Variants in FAM9A observed in about 807,000 individuals in gnomAD.
FAM9A encodes the protein protein FAM9A.
FAM9A carries 49 observed loss-of-function variants against 25.0 expected under a neutral mutation model. The ratio of observed to expected loss-of-function variants is 1.96; its 90% CI spans 1.56 to 2.48. The LOEUF is 2.48. Among genes scored for constraint, FAM9A ranks in the 30% most tolerant of loss-of-function variants. FAM9A has a pLI of 0.00. For missense variants in FAM9A, 266 were observed against 249.3 expected (o/e 1.07, Z -0.45); for synonymous variants, 80 against 85.1 (o/e 0.94, Z 0.33).
At chrX:8,796,479 C>T (rs1389603690) in intron 5 of FAM9A, 97 bp from the exon 6 acceptor site, 4 of 518,007 alleles carry the variant, frequency 7.7e-6, no homozygotes, top group Non-Finnish European at 1.3e-5. Context: ...TCAGCAATAT[C>T]GGAAGGACAT....
At chrX:8,795,512 C>A in intron 6 of FAM9A, 92 bp from the exon 7 acceptor site, 1 of 788,773 alleles carries the variant, frequency 1.3e-6, no homozygotes, top group Non-Finnish European at 1.8e-6. Flanking sequence ...ATAATTTATA[C>A]TATAAAGTAG....
intron 8 of FAM9A, among the ~76,000 whole-genome samples, chrX:8,793,019 AT>A (rs1221765997): frequency 2.0e-4 from 23 of 112,381 alleles, no homozygotes; most frequent in African/African-American, 7.4e-4. Flanking sequence ...ATGTAAAACC[AT>A]TACTAGTCGC....
chrX:8,798,163 T>C lies in FAM9A; in HGVS notation c.360A>G (p.Leu120=), dbSNP rs1389165666. 23 of 1,203,800 alleles carry C rather than the reference T, an allele frequency of 1.9e-5. No individual in the cohort carries two copies. The highest frequency in any genetic ancestry group is 2.5e-5 in the Non-Finnish European group (22 of 892,019). The part of the protein sequence containing the change: ...DEHTGIHTMK[L]EHIAADIKKG... Reference sequence around the variant, plus strand: ...CCTAAAACATACCTGCAATATGTTCTAGCTTCATGGTATGAATCCTGTAAA... The same window carrying C: ...CCTAAAACATACCTGCAATATGTTCCAGCTTCATGGTATGAATCCTGTAAA... Residue 120 remains leucine (L), a synonymous_variant, in exon 5 of 10, where the codon CTA becomes CTG. Coordinates refer to ENST00000381003, the MANE Select transcript of FAM9A (RefSeq NM_174951.3).
chrX:8,798,644 G>C (rs1252798811), intron 3 of FAM9A, among the ~76,000 whole-genome samples, 165 bp from the exon 4 acceptor site: 1 of 112,514 alleles, frequency 8.9e-6, no homozygotes, highest in Non-Finnish European at 1.9e-5. Context: ...TTTTACCGAG[G>C]CATTTTTGGA....
intron 3 of FAM9A, 137 bp downstream of exon 3, chrX:8,798,829 T>A: frequency 9.5e-7 from 1 of 1,047,572 alleles, no homozygotes; most frequent in East Asian, 3.2e-5. Context: ...TGGGGCCTCT[T>A]GGCACATGCA....
intron 3 of FAM9A, 86 bp from the exon 4 acceptor site, chrX:8,798,565 C>CT (rs1237678059): frequency 1.7e-6 from 2 of 1,155,114 alleles, no homozygotes; most frequent in South Asian, 2.1e-5. Context: ...TATTTGTGGA[C>CT]TTTTTTGGCT....
chrX:8,792,277 A>T (rs767049708), intron 8 of FAM9A, among the ~76,000 whole-genome samples: 1 of 110,868 alleles, frequency 9.0e-6, no homozygotes, highest in South Asian at 3.9e-4. Flanking sequence ...CAGGCTGGGA[A>T]GAGGGAAGGG....
intron 3 of FAM9A, 52 bp downstream of exon 3, chrX:8,798,914 A>T (rs1232887189): frequency 1.4e-5 from 17 of 1,207,762 alleles, no homozygotes; most frequent in Non-Finnish European, 1.9e-5. Context: ...GAGCAGACAG[A>T]CCGTCCTCTT....
At chrX:8,798,837 G>A in intron 3 of FAM9A, 129 bp downstream of exon 3, 1 of 1,079,892 alleles carries the variant, frequency 9.3e-7, no homozygotes. Context: ...CTTGGCACAT[G>A]CACAATGGAC....
chrX:8,795,980 C>T (rs1453192777), intron 6 of FAM9A, among the ~76,000 whole-genome samples: 4 of 111,617 alleles, frequency 3.6e-5, no homozygotes, highest in Non-Finnish European at 7.5e-5. Context: ...ATCTTATATG[C>T]AGCTGCCATA....
chrX:8,799,105 GCAAAGTCAAA>G lies in FAM9A; in HGVS notation c.92-21_92-12del, dbSNP rs777089543. ...AGGCGATCCCTGAACCTGGTTGAGT[GCAAAGTCAAA>G]CTAAGTAAGCTAAGGAAACAGGATA... On this transcript the variant is annotated splice_polypyrimidine_tract_variant and intron_variant, in intron 2 of 9. Transcript: ENST00000381003. 2.1e-5 allele frequency: 25 copies of G among 1,198,239 alleles called. No homozygotes were observed. The highest frequency in any genetic ancestry group is 2.8e-5 in the Non-Finnish European group (25 of 886,595).
chrX:8,792,488 A>G (rs1933481503), intron 8 of FAM9A, among the ~76,000 whole-genome samples: 1 of 111,576 alleles, frequency 9.0e-6, no homozygotes, highest in Non-Finnish European at 1.9e-5. Flanking sequence ...AACTTGCCTC[A>G]TGATAACTGC....
intron 5 of FAM9A, among the ~76,000 whole-genome samples, chrX:8,796,672 C>T (rs779219828): frequency 1.3e-3 from 151 of 111,933 alleles, no homozygotes; most frequent in Middle Eastern, 9.2e-3. Context: ...GAAAGCGTTA[C>T]AAACACAGAC....
chrX:8,798,983 G>C lies in FAM9A; in HGVS notation c.203C>G (p.Pro68Arg), dbSNP rs138064338. ...AQLEAQVRAA[P>R]AKKHTGKDPV... is the part of the protein sequence containing the mutation. Reference sequence around the variant, plus strand: ...GTGTTTACCTGTGTGCTTCTTCGCCGGGGCGGCCCTAACTTGAGCTTCCAA... The same window carrying C: ...GTGTTTACCTGTGTGCTTCTTCGCCCGGGCGGCCCTAACTTGAGCTTCCAA... The change falls in exon 3 of 10, where the codon CCG (proline) becomes CGG (arginine). Residue 68 changes from proline to arginine, a missense_variant. By Grantham distance (103) the Pro-to-Arg change is moderately radical (BLOSUM62 -2). Coordinates refer to ENST00000381003, the MANE Select transcript of FAM9A (RefSeq NM_174951.3). 4.4e-5 allele frequency: 53 copies of C among 1,211,727 alleles called. No homozygotes were observed. Among genetic ancestry groups the C allele is most frequent in the Non-Finnish European group, 5.8e-5 (52 of 895,511 alleles).
At chrX:8,796,139 A>T in intron 6 of FAM9A, 129 bp downstream of exon 6, 2 of 511,800 alleles carry the variant, frequency 3.9e-6, no homozygotes, top group South Asian at 3.2e-5. Context: ...CTGCTTAGGG[A>T]ACAATCAAGT....
chrX:8,800,706 A>C, intron 1 of FAM9A, among the ~76,000 whole-genome samples: 1 of 38,706 alleles, frequency 2.6e-5, no homozygotes, highest in African/African-American at 1.1e-4. Context: ...GCCTCCCCAC[A>C]CACTCCGCCC....
intron 8 of FAM9A, among the ~76,000 whole-genome samples, chrX:8,791,972 C>A (rs1933475516): frequency 8.9e-6 from 1 of 111,833 alleles, no homozygotes; most frequent in African/African-American, 3.3e-5. Context: ...AAAATTAATA[C>A]AAAAATTGTA....
intron 8 of FAM9A, among the ~76,000 whole-genome samples, chrX:8,792,097 C>G (rs1298402849): frequency 5.4e-5 from 6 of 111,543 alleles, no homozygotes; most frequent in Non-Finnish European, 1.1e-4. Context: ...TTTTTTAAAG[C>G]ATTGTGAGGG....
chrX:8,796,571 T>C (rs979792140), intron 5 of FAM9A, among the ~76,000 whole-genome samples, 189 bp from the exon 6 acceptor site: 1 of 112,183 alleles, frequency 8.9e-6, no homozygotes, highest in African/African-American at 3.2e-5. Flanking sequence ...GTATTAATAT[T>C]AGTACTCTAA....
Sources: gnomAD v4.1 joint callset for allele counts (sites outside exome capture counted in the v4.1 genomes callset) on GRCh38, gnomAD v4.1.1 for gene constraint, MANE v1.5 for transcripts, NCBI Gene and HGNC (gene_info 2026-07-23, HGNC 2026-07-21) for gene names.